Variants in VSIR observed in about 807,000 individuals in gnomAD.
VSIR encodes V-set immunoregulatory receptor.
In VSIR, 10 loss-of-function variants were observed where a neutral mutation model predicts 31.0. That is an observed-to-expected ratio of 0.32 (90% CI 0.20 to 0.55). VSIR has a LOEUF of 0.55. VSIR is among the 20% of genes least tolerant of loss of function. The pLI is 0.93. For synonymous variants in VSIR, 179 were observed against 180.1 expected (o/e 0.99, Z 0.05); for missense variants, 356 against 416.2 (o/e 0.86, Z 1.26).
At chr10:71,765,702 G>T (rs1451896615) in intron 1 of VSIR, among the ~76,000 whole-genome samples, 1 of 152,096 alleles carries the variant, frequency 6.6e-6, no homozygotes, top group African/African-American at 2.4e-5. Context: ...AGGGGGCATT[G>T]CTCAATCCCC....
chr10:71,771,414 A>G (rs1840681688), intron 1 of VSIR, among the ~76,000 whole-genome samples: 1 of 152,172 alleles, frequency 6.6e-6, no homozygotes. Flanking sequence ...AAAGGCTTTG[A>G]CCTTGGGCAA....
chr10:71,752,839 G>C (rs1335438030), intron 5 of VSIR, 136 bp downstream of exon 5: 3 of 1,062,888 alleles, frequency 2.8e-6, no homozygotes, highest in Non-Finnish European at 2.7e-6. Context: ...AGATGTGCAG[G>C]CTTCAGCAGC....
chr10:71,768,224 T>G (rs1211656251), intron 1 of VSIR, among the ~76,000 whole-genome samples: 7 of 152,076 alleles, frequency 4.6e-5, no homozygotes, highest in Non-Finnish European at 1.0e-4. Context: ...AGGCTGGAGT[T>G]CAGTGGTGCA....
intron 3 of VSIR, among the ~76,000 whole-genome samples, chr10:71,757,966 C>T (rs1840192872): frequency 1.3e-5 from 2 of 152,310 alleles, no homozygotes; most frequent in African/African-American, 4.8e-5. Flanking sequence ...CATTCCCCTA[C>T]CTCAGGTTAA....
rs748503 is a variant in VSIR at position 71,749,708 on chromosome 10, C to T, written c.*1545G>A. The T allele has an allele frequency of 0.17, 25,342 of 152,398 alleles. 2,281 individuals carry two copies. Among genetic ancestry groups the T allele is most frequent in the East Asian group, 0.3 (1,550 of 5,166 alleles). The allele number at this position is 152,398 out of a possible 1,614,324, so 9.4% of individuals were successfully genotyped here. ...CATTCCTTTGGGCCTAACTGGGGGG[C>T]TTAGAAGCAGGGCCATGTGTCCAGG... On this transcript the variant is annotated 3_prime_UTR_variant, in exon 7 of 7. Coordinates refer to ENST00000394957, the MANE Select transcript of VSIR (RefSeq NM_022153.2).
At chr10:71,767,919 A>C (rs3747865) in intron 1 of VSIR, among the ~76,000 whole-genome samples, 1 of 152,112 alleles carries the variant, frequency 6.6e-6, no homozygotes, top group African/African-American at 2.4e-5. Flanking sequence ...ATGCCTCCCC[A>C]GGGAGGGCCT....
In VSIR at chr10:71,753,944, G is replaced by C. The variant is rs76857130; in HGVS notation, c.677-942C>G. On this transcript the variant is annotated intron_variant, in intron 4 of 6. Coordinates refer to ENST00000394957, the MANE Select transcript of VSIR (RefSeq NM_022153.2). ...CTCTGTGCCACCCTTTGGGGTGAGG[G>C]TTGTTGGTCCCATTTTAGAGCTGGG... is the stretch of plus-strand genomic sequence containing the variant. 2,943 of 450,254 alleles carry C rather than the reference G, an allele frequency of 6.5e-3. 73 individuals are homozygous for C. The highest frequency in any genetic ancestry group is 0.053 in the African/African-American group (2,634 of 50,046). The allele number at this position is 450,254 out of a possible 1,614,324, so 27.9% of individuals were successfully genotyped here.
chr10:71,753,692 TC>T (rs1840063178), intron 4 of VSIR: 1 of 448,914 alleles, frequency 2.2e-6, no homozygotes, highest in African/African-American at 2.0e-5. Context: ...CCAACTTCCC[TC>T]TTTCATGCAG....
rs1417082143 is a variant in VSIR, at chr10:71,761,631, C to A, written c.478G>T (p.Val160Phe). The change falls in exon 2 of 7, where the codon GTC becomes TTC. Residue 160 changes from valine (V) to phenylalanine (F), a missense_variant. By Grantham distance (50) the Val-to-Phe change is conservative. Around this residue, in one of 2 missense-constraint regions of VSIR, gnomAD observed 166 missense variants for 231.0 expected, o/e 0.72. Coordinates refer to ENST00000394957, the MANE Select transcript of VSIR (RefSeq NM_022153.2). ...EIRHHHSEHR[V>F]HGAMELQVQT... ...ACCTGCAGCTCCATGGCACCATGGA[C>A]CCTGTGCTCCGAGTGGTGGTGCCTG... is the stretch of plus-strand genomic sequence containing the variant. 2 of 1,608,602 alleles carry A rather than the reference C, an allele frequency of 1.2e-6. No individual in the cohort carries two copies. The highest frequency in any genetic ancestry group is 1.3e-5 in the African/African-American group (1 of 74,874).
Position 71,747,658 on chromosome 10 carries a change from T to C in VSIR, c.*3595A>G, listed in dbSNP as rs1040741240. The C allele has an allele frequency of 3.3e-5, 5 of 152,266 alleles. No individual in the cohort carries two copies. Among genetic ancestry groups the C allele is most frequent in the African/African-American group, 9.6e-5 (4 of 41,470 alleles). The allele number at this position is 152,266 out of a possible 1,614,324, so 9.4% of individuals were successfully genotyped here. A position where few individuals can be genotyped will look rare whatever the true frequency, so the allele number is the denominator to read the frequency against. On this transcript the variant is annotated 3_prime_UTR_variant, in exon 7 of 7. Transcript: ENST00000394957. ...TGGCAGCAATAAAACCTCCCAGGAT[T>C]TTCAGGGAAGGGGGTGGATCAAACA...
In VSIR at chr10:71,767,534, C is replaced by A. The variant is rs866174760; in HGVS notation, c.83-5508G>T. On this transcript the variant is annotated intron_variant, in intron 1 of 6. Transcript: ENST00000394957. ...AATGGGACCTGGTTCCAGCTCCCCG[C>A]CAGGCCCCATCCCCCAGGATGGTCC... is the stretch of plus-strand genomic sequence containing the variant. Among the ~76,000 whole-genome samples, 6 of 152,358 alleles carry A rather than the reference C, an allele frequency of 3.9e-5. No homozygotes were observed. The South Asian group carries it at 6.2e-4, about 16-fold the overall frequency.
At chr10:71,773,278 C>T in intron 1 of VSIR, 80 bp downstream of exon 1, 5 of 1,454,476 alleles carry the variant, frequency 3.4e-6, no homozygotes, top group Admixed American at 2.0e-5. Flanking sequence ...GCCCCCAGGA[C>T]GCCCCCATCC....
chr10:71,760,221 GTA>G lies in VSIR; in HGVS notation c.568+645_568+646del, dbSNP rs539434553. Among the ~76,000 whole-genome samples, 13 of 27,080 alleles carry G rather than the reference GTA, an allele frequency of 4.8e-4. 3 individuals carry two copies. The East Asian group carries it at 9.3e-3, about 19-fold the overall frequency. 17.8% of individuals were successfully genotyped at this position (27,080 alleles called of 152,430 possible). On this transcript the variant is annotated intron_variant, in intron 3 of 6. Transcript: ENST00000394957. Reference sequence around the variant, plus strand: ...TACATATATATGTGTGTATATATGTGTATATATATGTATATACATATATATGT... The same window carrying G: ...TACATATATATGTGTGTATATATGTGTATATATGTATATACATATATATGT...
rs145779213 is a variant in VSIR at position 71,751,761 on chromosome 10, G to A, written c.805C>T (p.Arg269Trp). Reference sequence around the variant, plus strand: ...TGCCGCCCAGACTCAGAAGGCTGCCGCTGGGCCACATAGGACAGGGGGTGC... The same window carrying A: ...TGCCGCCCAGACTCAGAAGGCTGCCACTGGGCCACATAGGACAGGGGGTGC... ...VRHPLSYVAQ[R>W]QPSESGRHLL... The change falls in exon 6 of 7, where the codon CGG (arginine) becomes TGG (tryptophan). Residue 269 changes from arginine (R) to tryptophan (W), a missense_variant. By Grantham distance (101) the Arg-to-Trp change is moderately radical. Transcript: ENST00000394957. The surrounding 1 kb of genome is among the most constrained non-coding windows in gnomAD (Gnocchi z 4.9). The A allele has an allele frequency of 1.7e-5, 27 of 1,603,708 alleles. No individual in the cohort carries two copies. The highest frequency in any genetic ancestry group is 6.7e-5 in the East Asian group (3 of 44,686).
At chr10:71,762,835 C>A (rs1840430113) in intron 1 of VSIR, among the ~76,000 whole-genome samples, 2 of 152,206 alleles carry the variant, frequency 1.3e-5, no homozygotes, top group Non-Finnish European at 2.9e-5. Flanking sequence ...GTCCTTCCAG[C>A]CAAACTTAGA....
chr10:71,761,995 C>T lies in VSIR; in HGVS notation c.114G>A (p.Pro38=), dbSNP rs377186250. The change falls in exon 2 of 7, where the codon CCG becomes CCA. Residue 38 remains proline, a synonymous_variant. Transcript: ENST00000394957. ...CCTCGGGACAGACATACAGGGAATA[C>T]GGCGTGGCGACCTTGAAGGCTGCCA... The part of the protein sequence containing the change: ...GPVAAFKVAT[P]YSLYVCPEGQ... The T allele has an allele frequency of 1.0e-4, 169 of 1,609,858 alleles. No individual in the cohort carries two copies. Among genetic ancestry groups the T allele is most frequent in the Admixed American group, 5.0e-4 (30 of 59,902 alleles).
intron 5 of VSIR, among the ~76,000 whole-genome samples, chr10:71,752,584 C>T (rs541433383): frequency 1.1e-4 from 17 of 152,286 alleles, no homozygotes; most frequent in South Asian, 1.0e-3. Context: ...TGGCCTGCAG[C>T]GGCCTAACAG....
At chr10:71,755,629 C>A (rs1297676315) in intron 3 of VSIR, among the ~76,000 whole-genome samples, 163 bp from the exon 4 acceptor site, 1 of 152,128 alleles carries the variant, frequency 6.6e-6, no homozygotes, top group Non-Finnish European at 1.5e-5. Flanking sequence ...GAAGATAAGG[C>A]GGTTCTCCTT....
chr10:71,752,046 C>T (rs948558353), intron 5 of VSIR, 185 bp from the exon 6 acceptor site: 1 of 738,494 alleles, frequency 1.4e-6, no homozygotes, highest in South Asian at 1.5e-5. Flanking sequence ...CTGCACCTGC[C>T]CACCTGTCCT....
Sources: gnomAD v4.1 joint callset for allele counts (sites outside exome capture counted in the v4.1 genomes callset) on GRCh38, gnomAD v4.1.1 for gene constraint, gnomAD v4.1.1 regional missense constraint, Gnocchi (gnomAD v3.1) non-coding constraint, MANE v1.5 for transcripts, NCBI Gene and HGNC (gene_info 2026-07-23, HGNC 2026-07-21) for gene names.